PDZD2: variants seen among roughly 807,000 people sequenced by gnomAD.
The protein encoded by PDZD2 is PDZ domain containing 2, also known as PDZ domain-containing protein 2.
PDZD2 carries 90 observed loss-of-function variants against 220.7 expected under a neutral mutation model. The ratio of observed to expected loss-of-function variants is 0.41; its 90% CI spans 0.34 to 0.49. The LOEUF is 0.49. Ranked by LOEUF, PDZD2 falls within the 20% of genes least tolerant of loss-of-function variation. The pLI, the probability that PDZD2 is intolerant of heterozygous loss-of-function variation, is 0.28. For missense variants in PDZD2, 3,174 were observed against 3,608.5 expected (o/e 0.88, Z 3.08); for synonymous variants, 1,375 against 1,450.5 (o/e 0.95, Z 1.18).
chr5:31,962,575 T>C (rs374051420), intron 2 of PDZD2, among the ~76,000 whole-genome samples: 2 of 152,292 alleles, frequency 1.3e-5, no homozygotes, highest in African/African-American at 4.8e-5. Flanking sequence ...CTGGAACCTA[T>C]TTTGAGCCTG....
intron 2 of PDZD2, among the ~76,000 whole-genome samples, chr5:31,854,162 T>C (rs1292622174): frequency 1.3e-5 from 2 of 152,244 alleles, no homozygotes; most frequent in Non-Finnish European, 2.9e-5. Context: ...AACACTCTTT[T>C]CCTGTCTTAT....
chr5:31,787,978 A>G (rs557646655), intron 1 of PDZD2, among the ~76,000 whole-genome samples: 132 of 152,298 alleles, frequency 8.7e-4, no homozygotes, highest in African/African-American at 3.0e-3. Flanking sequence ...AGTGCCTGGC[A>G]GAATCAACCC....
rs141382481 is a variant in PDZD2 at position 32,065,805 on chromosome 5, G to A, written c.2452-3764G>A. On this transcript the variant is annotated intron_variant, in intron 14 of 24. Transcript: ENST00000438447. ...TTTGGGAGGCCAAGGCGGGTGGATC[G>A]CCTGCGATCAGGAGTTCTAGACCAG... Among the ~76,000 whole-genome samples the A allele has an allele frequency of 1.9e-3, 296 of 151,870 alleles. 1 individual carries two copies. Among genetic ancestry groups the A allele is most frequent in the African/African-American group, 6.6e-3 (275 of 41,418 alleles).
rs201389385 is a variant in PDZD2 at position 32,087,876 on chromosome 5, G to C, written c.4428G>C (p.Pro1476=). ...GGSSCRAEPV[P]GGQTSSPRRA... is the part of the protein sequence containing the mutation. ...GCTCCTGCCGTGCCGAACCAGTCCC[G>C]GGGGGCCAGACCTCCTCCCCGAGGA... Residue 1476 remains proline (P), a synonymous_variant, in exon 20 of 25, where the codon CCG becomes CCC. Coordinates refer to ENST00000438447, the MANE Select transcript of PDZD2 (RefSeq NM_178140.4). The surrounding 1 kb of genome is among the most constrained non-coding windows in gnomAD (Gnocchi z 4.0). 1 of 1,611,796 alleles carries C rather than the reference G, an allele frequency of 6.2e-7. No individual in the cohort carries two copies. Among genetic ancestry groups the C allele is most frequent in the Non-Finnish European group, 8.5e-7 (1 of 1,179,134 alleles).
intron 1 of PDZD2, among the ~76,000 whole-genome samples, chr5:31,794,321 T>C (rs574321990): frequency 6.6e-6 from 1 of 152,028 alleles, no homozygotes; most frequent in South Asian, 2.1e-4. Flanking sequence ...ACCCAGCACA[T>C]GATAGACACT....
rs936429422 is a variant in PDZD2, at chr5:32,098,229, G to A, written c.7948-135G>A. On this transcript the variant is annotated intron_variant, in intron 22 of 24. Coordinates refer to ENST00000438447, the MANE Select transcript of PDZD2 (RefSeq NM_178140.4). The surrounding 1 kb of genome is among the most constrained non-coding windows in gnomAD (Gnocchi z 4.1). ...TGTACTCCAGCCTGGGTGACACAGCGAGACTCCCTCTCAAAAAATAAAAAT... is the reference window on the plus strand; with the variant it reads ...TGTACTCCAGCCTGGGTGACACAGCAAGACTCCCTCTCAAAAAATAAAAAT... 96 of 863,064 alleles carry A rather than the reference G, an allele frequency of 1.1e-4. No homozygotes were observed. Among genetic ancestry groups the A allele is most frequent in the Admixed American group, 5.3e-4 (19 of 35,674 alleles). 53.5% of individuals were successfully genotyped at this position (863,064 alleles called of 1,614,324 possible).
chr5:32,075,183 T>C (rs1038427677), intron 18 of PDZD2, among the ~76,000 whole-genome samples: 2 of 152,140 alleles, frequency 1.3e-5, no homozygotes, highest in Non-Finnish European at 2.9e-5. Context: ...AGAATCTCTG[T>C]CTTACCTGTA....
intron 2 of PDZD2, among the ~76,000 whole-genome samples, chr5:31,949,844 T>C: frequency 6.6e-6 from 1 of 151,412 alleles, no homozygotes; most frequent in Middle Eastern, 3.4e-3. Context: ...GCTAATTTTT[T>C]TTTTTTTTTT....
intron 1 of PDZD2, among the ~76,000 whole-genome samples, chr5:31,653,272 A>G (rs561771447): frequency 1.3e-5 from 2 of 152,268 alleles, no homozygotes; most frequent in South Asian, 4.1e-4. Context: ...CTAGACTGGA[A>G]GGTTCTTCCA....
chr5:31,872,042 G>A (rs576573064), intron 2 of PDZD2, among the ~76,000 whole-genome samples: 1 of 152,148 alleles, frequency 6.6e-6, no homozygotes, highest in African/African-American at 2.4e-5. Flanking sequence ...GAAATCAAGG[G>A]ATCTACACTA....
In PDZD2 at chr5:31,739,827, T is replaced by C. The variant is rs562218956; in HGVS notation, c.-360-59062T>C. On this transcript the variant is annotated intron_variant, in intron 1 of 24. Transcript: ENST00000438447. The stretch of plus-strand genomic sequence containing the variant: ...AGGGTGGATGCCTAATGATTTTCCA[T>C]TGAAACTCTCACAAAATTGCCCTTC... Among the ~76,000 whole-genome samples, 16 of 152,312 alleles carry C rather than the reference T, an allele frequency of 1.1e-4. No homozygotes were observed. In the East Asian group the frequency reaches 1.5e-3, roughly 15 times the overall value.
chr5:31,988,626 G>A (rs1452273284), intron 3 of PDZD2, among the ~76,000 whole-genome samples: 1 of 152,188 alleles, frequency 6.6e-6, no homozygotes, highest in South Asian at 2.1e-4. Context: ...AGAAGATGGG[G>A]GTAGGGCAGA....
Position 31,996,731 on chromosome 5 carries a change from A to G in PDZD2, c.1121+1013A>G, listed in dbSNP as rs991258293. Among the ~76,000 whole-genome samples the G allele has an allele frequency of 4.6e-5, 7 of 152,030 alleles. No individual in the cohort carries two copies. In the East Asian group the frequency reaches 1.3e-3, roughly 29 times the overall value. On this transcript the variant is annotated intron_variant, in intron 4 of 24. Transcript: ENST00000438447. Reference sequence around the variant, plus strand: ...TCGATTAAAAAATAAAATAGAACAAAATAGCTGGTCATGGTGGCACACTTC... The same window carrying G: ...TCGATTAAAAAATAAAATAGAACAAGATAGCTGGTCATGGTGGCACACTTC...
intron 1 of PDZD2, among the ~76,000 whole-genome samples, chr5:31,690,109 A>G (rs551188166): frequency 6.6e-5 from 10 of 152,086 alleles, no homozygotes; most frequent in African/African-American, 1.2e-4. Context: ...AGCAAGATCA[A>G]CTCCTATGTG....
intron 2 of PDZD2, among the ~76,000 whole-genome samples, chr5:31,976,003 C>T (rs1749735872): frequency 6.6e-6 from 1 of 151,816 alleles, no homozygotes; most frequent in Admixed American, 6.6e-5. Context: ...CTATGCTGCT[C>T]AGGCTGGGAT....
intron 1 of PDZD2, among the ~76,000 whole-genome samples, chr5:31,699,044 C>T (rs935806181): frequency 1.3e-5 from 2 of 152,186 alleles, no homozygotes; most frequent in African/African-American, 2.4e-5. Flanking sequence ...GCTAGTTTTC[C>T]TCCATTTGTT....
chr5:32,100,960 ATAAG>A, intron 23 of PDZD2, 141 bp from the exon 24 acceptor site: 270 of 1,602,498 alleles, frequency 1.7e-4, no homozygotes, highest in Admixed American at 1.6e-3. Flanking sequence ...AAGTGCTGTT[ATAAG>A]TAAGTAAGTG....
At chr5:32,091,264 CAG>C (rs767919576) in intron 20 of PDZD2, 89 bp downstream of exon 20, 465 of 814,966 alleles carry the variant, frequency 5.7e-4, no homozygotes, top group Admixed American at 8.4e-4. Flanking sequence ...AAAGATAATG[CAG>C]AGTTCCCACT....
intron 1 of PDZD2, among the ~76,000 whole-genome samples, chr5:31,687,543 C>T (rs1746922317): frequency 1.3e-5 from 2 of 152,198 alleles, no homozygotes; most frequent in Admixed American, 1.3e-4. Flanking sequence ...TACCCAGTTC[C>T]AAAACTGCTT....
Sources: allele counts gnomAD v4.1 joint callset (sites outside exome capture counted in the v4.1 genomes callset), GRCh38; gene constraint gnomAD v4.1.1; non-coding constraint Gnocchi (gnomAD v3.1); transcripts MANE v1.5; gene names NCBI Gene and HGNC (gene_info 2026-07-23, HGNC 2026-07-21).